The following PCDHA6 variants were observed in gnomAD, a reference collection of about 807,000 sequenced individuals.
PCDHA6 encodes the protein protocadherin alpha-6.
PCDHA6 carries 55 observed loss-of-function variants against 60.3 expected under a neutral mutation model. The observed-to-expected ratio is 0.91, with a 90% CI of 0.73 to 1.14. The LOEUF is 1.14. Among genes scored for constraint, PCDHA6 ranks in the 50% most tolerant of loss-of-function variants. The pLI, the probability that PCDHA6 is intolerant of heterozygous loss-of-function variation, is 0.00. For missense variants in PCDHA6, 1,327 were observed against 1,256.5 expected, an observed-to-expected ratio of 1.06 and a Z score of -0.85; for synonymous variants, 652 against 557.9, an observed-to-expected ratio of 1.17 and a Z score of -2.38.
intron 1 of PCDHA6, among the ~76,000 whole-genome samples, chr5:140,918,149 A>G (rs2078550151): frequency 1.3e-5 from 2 of 151,946 alleles, no homozygotes; most frequent in African/African-American, 4.8e-5. Flanking sequence ...CTTTTTGTGT[A>G]TGTCTATTGT....
chr5:140,876,976 C>A (rs782283591), intron 1 of PCDHA6: 2 of 1,612,586 alleles, frequency 1.2e-6, no homozygotes, highest in Admixed American at 1.7e-5. Context: ...GGTGGGCGAG[C>A]ACGCACTGTC....
chr5:140,871,061 A>T, intron 1 of PCDHA6: 1 of 1,613,200 alleles, frequency 6.2e-7, no homozygotes, highest in South Asian at 1.1e-5. Flanking sequence ...GTGAAGGATC[A>T]CGGTGAGCCG....
At position 140,898,329 on chromosome 5, in the gene PCDHA6, C is replaced by T. The variant is rs13158044; in HGVS notation, c.2394+67844C>T. Among the ~76,000 whole-genome samples the T allele has an allele frequency of 3.9e-5, 6 of 152,232 alleles. No homozygotes were observed. The East Asian group carries it at 7.7e-4, about 20-fold the overall frequency. On this transcript the variant is annotated intron_variant, in intron 1 of 3. Transcript: ENST00000529310. ...AGGGTTTTTATGGTTTTGGGTCTAA[C>T]GTTTAAGTCTTTAATCCATCTTGAA...
intron 1 of PCDHA6, chr5:140,930,304 A>G (rs1554207720): frequency 6.6e-6 from 1 of 152,236 alleles, no homozygotes. Flanking sequence ...ATAAGTAAAT[A>G]TCATATTTGA....
intron 1 of PCDHA6, chr5:140,884,716 GTTGT>G (rs782735758): frequency 2.8e-5 from 41 of 1,468,898 alleles, no homozygotes; most frequent in Middle Eastern, 3.6e-4. Flanking sequence ...CTTCCTTGCA[GTTGT>G]TTGTTTAAGA....
intron 1 of PCDHA6, chr5:140,968,651 GA>G: frequency 6.2e-7 from 1 of 1,614,154 alleles, no homozygotes; most frequent in Non-Finnish European, 8.5e-7. Flanking sequence ...CCAGACTTCT[GA>G]CCTGGACCTC....
chr5:140,947,290 T>G (rs1554218137), intron 1 of PCDHA6, among the ~76,000 whole-genome samples: 2 of 151,614 alleles, frequency 1.3e-5, no homozygotes, highest in Non-Finnish European at 3.0e-5. Context: ...TTTTATTGCA[T>G]TATCTTGACA....
rs1284021507 is a variant in PCDHA6 at position 140,883,838 on chromosome 5, G to A, written c.2394+53353G>A. The A allele has an allele frequency of 1.9e-6, 3 of 1,612,620 alleles. No individual in the cohort carries two copies. In the Admixed American group the frequency reaches 5.0e-5, roughly 27 times the overall value. ...CAAGGTGTACGCGCTGCAGCCGTTG[G>A]ACCACGAGGAGCTGGAGCTGTTGCA... On this transcript the variant is annotated intron_variant, in intron 1 of 3. Coordinates refer to ENST00000529310, the MANE Select transcript of PCDHA6 (RefSeq NM_018909.4).
intron 1 of PCDHA6, among the ~76,000 whole-genome samples, chr5:140,913,844 A>G (rs1554196074): frequency 1.3e-5 from 2 of 152,194 alleles, no homozygotes; most frequent in African/African-American, 2.4e-5. Flanking sequence ...CCCACTGGTC[A>G]TTCAGGAGCA....
intron 1 of PCDHA6, among the ~76,000 whole-genome samples, chr5:140,904,015 AT>A (rs1171166257): frequency 6.6e-6 from 1 of 152,234 alleles, no homozygotes; most frequent in Non-Finnish European, 1.5e-5. Flanking sequence ...ACTTTAAAAA[AT>A]AATGGTATAA....
chr5:140,928,012 A>C, intron 1 of PCDHA6: 2 of 1,614,190 alleles, frequency 1.2e-6, no homozygotes, highest in Non-Finnish European at 1.7e-6. Context: ...TTCTAATGGT[A>C]GGGTCATTTG....
chr5:140,926,180 C>A (rs1341994925), intron 1 of PCDHA6, among the ~76,000 whole-genome samples: 1 of 151,710 alleles, frequency 6.6e-6, no homozygotes, highest in Admixed American at 6.6e-5. Flanking sequence ...CGCGGAAAGC[C>A]CCCCGCAGCA....
At chr5:140,842,126 C>T (rs534570289) in intron 1 of PCDHA6, 2 of 1,613,822 alleles carry the variant, frequency 1.2e-6, no homozygotes, top group Non-Finnish European at 1.7e-6. Flanking sequence ...TGCTTCTGAT[C>T]CGGATGAAGG....
chr5:140,883,251 T>C, intron 1 of PCDHA6: 1 of 1,614,086 alleles, frequency 6.2e-7, no homozygotes, highest in Non-Finnish European at 8.5e-7. Flanking sequence ...AAAGGAAATA[T>C]TCCAATGGCG....
At chr5:140,913,092 C>T (rs1293188459) in intron 1 of PCDHA6, among the ~76,000 whole-genome samples, 1 of 152,134 alleles carries the variant, frequency 6.6e-6, no homozygotes, top group Non-Finnish European at 1.5e-5. Flanking sequence ...CAGGATAATA[C>T]TGGCCTCATA....
chr5:140,907,111 C>T (rs1465808747), intron 1 of PCDHA6, among the ~76,000 whole-genome samples: 1 of 152,130 alleles, frequency 6.6e-6, no homozygotes, highest in African/African-American at 2.4e-5. Flanking sequence ...ACTTCCACCC[C>T]TTGATTCCTG....
rs1554151191 is a variant in PCDHA6, at chr5:140,858,123, T to A, written c.2394+27638T>A. The A allele has an allele frequency of 6.3e-7, 1 of 1,597,678 alleles. No individual in the cohort carries two copies. Among genetic ancestry groups the A allele is most frequent in the South Asian group, 1.1e-5 (1 of 90,530 alleles). ...GGCGTGGCGCCCGAGGTGGCCCTGG[T>A]GGATGTCAACGTGTACCTGATCATC... On this transcript the variant is annotated intron_variant, in intron 1 of 3. Coordinates refer to ENST00000529310, the MANE Select transcript of PCDHA6 (RefSeq NM_018909.4).
At chr5:140,845,692 G>A (rs1440776749) in intron 1 of PCDHA6, among the ~76,000 whole-genome samples, 1 of 149,364 alleles carries the variant, frequency 6.7e-6, no homozygotes, top group Non-Finnish European at 1.5e-5. Flanking sequence ...TTGTTATTCA[G>A]TTCCTTGGCA....
intron 1 of PCDHA6, chr5:140,869,288 G>T (rs950790626): frequency 6.2e-7 from 1 of 1,613,578 alleles, no homozygotes; most frequent in East Asian, 2.2e-5. Context: ...CTGGTGCAGC[G>T]CCTGTTCCGG....
Sources: allele counts gnomAD v4.1 joint callset (sites outside exome capture counted in the v4.1 genomes callset), GRCh38; gene constraint gnomAD v4.1.1; transcripts MANE v1.5; gene names NCBI Gene and HGNC (gene_info 2026-07-23, HGNC 2026-07-21).